Variants in ZNF420 observed in about 807,000 individuals in gnomAD.
The protein encoded by ZNF420 is zinc finger protein 420.
Under a neutral mutation model 44.7 loss-of-function variants are expected in ZNF420, and 31 were observed. The observed-to-expected ratio is 0.69, with a 90% CI of 0.52 to 0.94. ZNF420 has a LOEUF of 0.94. Ranked by LOEUF, ZNF420 falls within the 40% of genes least tolerant of loss-of-function variation. ZNF420 has a pLI of 0.00. For synonymous variants in ZNF420, 245 were observed against 267.4 expected (o/e 0.92, Z 0.82); for missense variants, 681 against 827.9 (o/e 0.82, Z 2.18).
intron 1 of ZNF420, among the ~76,000 whole-genome samples, chr19:37,014,781 G>T (rs1161014570): frequency 6.6e-6 from 1 of 152,218 alleles, no homozygotes; most frequent in Non-Finnish European, 1.5e-5. Context: ...CAGATCAGGA[G>T]CCCTCTGTGG....
At chr19:37,012,363 A>G (rs1949934345) in intron 1 of ZNF420, among the ~76,000 whole-genome samples, 1 of 152,218 alleles carries the variant, frequency 6.6e-6, no homozygotes, top group South Asian at 2.1e-4. Context: ...TTCTCGTCAC[A>G]GTGATTCCCA....
intron 1 of ZNF420, among the ~76,000 whole-genome samples, chr19:37,031,619 C>T (rs2146397675): frequency 6.6e-6 from 1 of 152,200 alleles, no homozygotes; most frequent in South Asian, 2.1e-4. Context: ...GATTCTCTTG[C>T]CTCAGCCTCC....
At chr19:37,022,889 G>A (rs933028059) in intron 1 of ZNF420, among the ~76,000 whole-genome samples, 5 of 152,180 alleles carry the variant, frequency 3.3e-5, no homozygotes, top group Non-Finnish European at 7.3e-5. Flanking sequence ...TGTAATCCCA[G>A]CACTTTGGGA....
intron 4 of ZNF420, among the ~76,000 whole-genome samples, chr19:37,124,719 T>G (rs1348603271): frequency 6.6e-6 from 1 of 152,166 alleles, no homozygotes; most frequent in Non-Finnish European, 1.5e-5. Context: ...CAGGCTGGCT[T>G]GCTAGTGGTG....
intron 1 of ZNF420, among the ~76,000 whole-genome samples, chr19:37,032,375 C>T (rs1234700548): frequency 6.6e-5 from 10 of 151,314 alleles, no homozygotes; most frequent in African/African-American, 2.2e-4. Flanking sequence ...CGTGGTTGTG[C>T]GCACCTGTAA....
rs149395490 is a variant in ZNF420 at position 37,068,943 on chromosome 19, C to T, written c.-124-11402C>T. ...TTGCAAGCTTAAGTTACTAAAAATACACACTATAAACCAAAAATTAATGAA... is the reference window on the plus strand; with the variant it reads ...TTGCAAGCTTAAGTTACTAAAAATATACACTATAAACCAAAAATTAATGAA... On this transcript the variant is annotated intron_variant, in intron 1 of 4. Coordinates refer to the ZNF420 transcript ENST00000587029. Among the ~76,000 whole-genome samples the T allele has an allele frequency of 2.3e-3, 348 of 152,120 alleles. 1 individual carries two copies. The highest frequency in any genetic ancestry group is 3.4e-3 in the Non-Finnish European group (233 of 67,974).
chr19:37,115,409 G>A (rs180803331), intron 4 of ZNF420, among the ~76,000 whole-genome samples: 104 of 152,196 alleles, frequency 6.8e-4, no homozygotes, highest in Non-Finnish European at 1.2e-3. Context: ...TGGAGAGGGG[G>A]ATGTGGCAGG....
chr19:37,029,119 A>G (rs186722821), intron 1 of ZNF420, among the ~76,000 whole-genome samples: 58 of 152,338 alleles, frequency 3.8e-4, no homozygotes, highest in Non-Finnish European at 7.3e-4. Flanking sequence ...AAGAGGGTCC[A>G]AGATTCAGAA....
chr19:37,093,888 T>C (rs1023206617), intron 4 of ZNF420, among the ~76,000 whole-genome samples: 2 of 152,102 alleles, frequency 1.3e-5, no homozygotes, highest in South Asian at 4.1e-4. Flanking sequence ...ACAGCATTTC[T>C]CTTGGGGGTG....
intron 1 of ZNF420, among the ~76,000 whole-genome samples, chr19:37,036,437 A>G (rs1157194053): frequency 2.6e-5 from 4 of 152,088 alleles, no homozygotes; most frequent in African/African-American, 9.7e-5. Context: ...TGTCCCAGAT[A>G]TGTGTTGTTC....
rs757785456 is a variant in ZNF420, at chr19:37,128,594, G to C, written c.1603G>C (p.Glu535Gln). Reference protein sequence around the residue: ...HTGEKPYVCNECGKAFARGLL... With the variant: ...HTGEKPYVCNQCGKAFARGLL... ...TGGTGAGAAACCCTATGTGTGTAATGAATGTGGAAAGGCCTTTGCGCGTGG... is the reference window on the plus strand; with the variant it reads ...TGGTGAGAAACCCTATGTGTGTAATCAATGTGGAAAGGCCTTTGCGCGTGG... Residue 535 changes from glutamate to glutamine, a missense_variant, in exon 5 of 5, where the codon GAA becomes CAA. By Grantham distance (29) the Glu-to-Gln change is conservative. Around this residue, in one of 3 missense-constraint regions of ZNF420, gnomAD observed 280 missense variants for 338.6 expected, o/e 0.83. Coordinates refer to ENST00000337995, the MANE Select transcript of ZNF420 (RefSeq NM_144689.5). 3 of 1,613,806 alleles carry C rather than the reference G, an allele frequency of 1.9e-6. No homozygotes were observed. The highest frequency in any genetic ancestry group is 1.7e-5 in the Admixed American group (1 of 59,994).
chr19:37,120,913 A>C (rs975265847), intron 4 of ZNF420, among the ~76,000 whole-genome samples: 21 of 152,210 alleles, frequency 1.4e-4, no homozygotes, highest in African/African-American at 4.8e-4. Flanking sequence ...AATCCAACTT[A>C]CAAGGGACGT....
chr19:37,113,301 C>T (rs1336037251), intron 4 of ZNF420, among the ~76,000 whole-genome samples: 3 of 152,148 alleles, frequency 2.0e-5, no homozygotes, highest in Admixed American at 2.0e-4. Context: ...TTTTTGATGA[C>T]CAATTTGTCC....
intron 4 of ZNF420, chr19:37,091,355 G>A: frequency 3.4e-6 from 1 of 291,482 alleles, no homozygotes; most frequent in Non-Finnish European, 6.3e-6. Flanking sequence ...CAAAGGGCTA[G>A]ATTTGAAGTT....
In ZNF420 at chr19:37,128,090, G is replaced by T. The variant is rs1296857460; in HGVS notation, c.1099G>T (p.Glu367Ter). 6.2e-7 allele frequency: 1 copy of T among 1,614,060 alleles called. No individual in the cohort carries two copies. Among genetic ancestry groups the T allele is most frequent in the African/African-American group, 1.3e-5 (1 of 75,038 alleles). ...HTGEKPYKCE[E>*]CGKAFIRGSQ... is the part of the protein sequence containing the mutation. ...TGGTGAAAAACCCTATAAATGTGAA[G>T]AATGTGGGAAGGCCTTTATCCGTGG... Residue 367 changes from glutamate (E) to a stop codon, truncating the protein, a stop_gained, in exon 5 of 5, where the codon GAA (glutamate) becomes TAA (stop). Coordinates refer to ENST00000337995, the MANE Select transcript of ZNF420 (RefSeq NM_144689.5). LOFTEE classifies it high-confidence loss of function.
intron 1 of ZNF420, among the ~76,000 whole-genome samples, chr19:37,046,732 G>A (rs1967548687): frequency 6.6e-6 from 1 of 152,212 alleles, no homozygotes; most frequent in Non-Finnish European, 1.5e-5. Flanking sequence ...TTTACATACA[G>A]GCCAAGGCAC....
At chr19:37,011,068 T>G (rs2074565567) in intron 1 of ZNF420, among the ~76,000 whole-genome samples, 1 of 152,214 alleles carries the variant, frequency 6.6e-6, no homozygotes, top group Admixed American at 6.5e-5. Context: ...CTGTGCTGTA[T>G]CCTGCCTGGG....
At chr19:37,082,888 C>T (rs1436995551) in intron 2 of ZNF420, among the ~76,000 whole-genome samples, 2 of 152,182 alleles carry the variant, frequency 1.3e-5, no homozygotes, top group African/African-American at 4.8e-5. Context: ...TTTAAAATTA[C>T]ATAACATATA....
intron 1 of ZNF420, among the ~76,000 whole-genome samples, chr19:37,048,299 C>G (rs1441595623): frequency 6.6e-6 from 1 of 152,058 alleles, no homozygotes; most frequent in African/African-American, 2.4e-5. Flanking sequence ...TTTCTTAAAC[C>G]TGTGCACAAA....
Sources: gnomAD v4.1 joint callset for allele counts (sites outside exome capture counted in the v4.1 genomes callset) on GRCh38, gnomAD v4.1.1 for gene constraint, gnomAD v4.1.1 regional missense constraint, MANE v1.5 for transcripts, NCBI Gene and HGNC (gene_info 2026-07-23, HGNC 2026-07-21) for gene names.